Variants in ARPC3 observed in about 807,000 individuals in gnomAD.
ARPC3 encodes actin-related protein 2/3 complex subunit 3.
In ARPC3, 12 loss-of-function variants were observed where a neutral mutation model predicts 27.6. The ratio of observed to expected loss-of-function variants is 0.43; its 90% CI spans 0.28 to 0.70. The LOEUF is 0.70. Among genes scored for constraint, ARPC3 ranks in the 30% least tolerant of loss-of-function variants. ARPC3 has a pLI of 0.17. For synonymous variants in ARPC3, 53 were observed against 67.2 expected (o/e 0.79, Z 1.03); for missense variants, 153 against 207.7 (o/e 0.74, Z 1.62).
At chr12:110,437,387 AG>A (rs1203584613) in intron 3 of ARPC3, 2 of 452,312 alleles carry the variant, frequency 4.4e-6, no homozygotes, top group Admixed American at 7.0e-5. Flanking sequence ...TTTTTTTTTG[AG>A]ACGGAGTCTT....
intron 5 of ARPC3, 28 bp from the exon 6 acceptor site, chr12:110,436,232 G>A (rs866290048): frequency 1.3e-6 from 2 of 1,568,420 alleles, no homozygotes; most frequent in South Asian, 1.1e-5. Flanking sequence ...AAAAAAAACT[G>A]TATTTGCAAA....
At chr12:110,447,587 A>G (rs1042031529) in intron 1 of ARPC3, among the ~76,000 whole-genome samples, 3 of 152,150 alleles carry the variant, frequency 2.0e-5, no homozygotes, top group Non-Finnish European at 4.4e-5. Flanking sequence ...ACCCTGACCA[A>G]CATGGTGAAA....
Position 110,435,067 on chromosome 12 carries a change from A to C in ARPC3, c.*88T>G. The stretch of plus-strand genomic sequence containing the variant: ...CATGCTCTTCTCTCTTCTGTATAAA[A>C]CTTTACGAAATAAAGGCAAAAGATT... On this transcript the variant is annotated 3_prime_UTR_variant, in exon 7 of 7. Coordinates refer to ENST00000228825, the MANE Select transcript of ARPC3 (RefSeq NM_001278556.2). The C allele has an allele frequency of 2.0e-6, 2 of 1,018,568 alleles. No homozygotes were observed. The highest frequency in any genetic ancestry group is 1.6e-6 in the Non-Finnish European group (1 of 644,950). 63.1% of individuals were successfully genotyped at this position (1,018,568 alleles called of 1,614,324 possible).
intron 2 of ARPC3, among the ~76,000 whole-genome samples, chr12:110,441,889 A>G (rs2062439470): frequency 6.6e-6 from 1 of 151,558 alleles, no homozygotes; most frequent in Non-Finnish European, 1.5e-5. Context: ...AAAATTAGCC[A>G]AGCATGGTGG....
intron 3 of ARPC3, among the ~76,000 whole-genome samples, chr12:110,437,645 G>T (rs2062413723): frequency 6.6e-6 from 1 of 152,158 alleles, no homozygotes; most frequent in African/African-American, 2.4e-5. Context: ...TGGGATTACA[G>T]GCATGAGCCA....
rs2062494217 is a variant in ARPC3 at position 110,450,240 on chromosome 12, G to T, written c.6+15C>A. On this transcript the variant is annotated intron_variant, in intron 1 of 6. Transcript: ENST00000228825. ...AATCCCCGCTGTCTCCCCACACCGTGGATCGAACCCTCACCGGCATCTTGG... is the reference window on the plus strand; with the variant it reads ...AATCCCCGCTGTCTCCCCACACCGTTGATCGAACCCTCACCGGCATCTTGG... 3.1e-6 allele frequency: 5 copies of T among 1,613,956 alleles called. No individual in the cohort carries two copies. In the African/African-American group the frequency reaches 6.7e-5, roughly 22 times the overall value.
chr12:110,445,091 G>A (rs1175903987), intron 2 of ARPC3: 6 of 255,504 alleles, frequency 2.3e-5, no homozygotes, highest in African/African-American at 9.1e-5. Context: ...ACGAGGAAGA[G>A]GTTAAAATAT....
Position 110,450,245 on chromosome 12 carries a change from G to A in ARPC3, c.6+10C>T. 6 of 1,614,086 alleles carry A rather than the reference G, an allele frequency of 3.7e-6. No homozygotes were observed. The highest frequency in any genetic ancestry group is 1.1e-5 in the South Asian group (1 of 91,078). On this transcript the variant is annotated intron_variant, in intron 1 of 6. Transcript: ENST00000228825. ...CCGCTGTCTCCCCACACCGTGGATC[G>A]AACCCTCACCGGCATCTTGGCGGCG...
chr12:110,444,593 T>G (rs924688723), intron 2 of ARPC3, among the ~76,000 whole-genome samples: 1 of 152,152 alleles, frequency 6.6e-6, no homozygotes, highest in Non-Finnish European at 1.5e-5. Context: ...CCTTGTGATT[T>G]TCTTTTATGT....
rs1291985227 is a variant in ARPC3, at chr12:110,436,740, AC to A, written c.253-58del. On this transcript the variant is annotated intron_variant, in intron 4 of 6. Coordinates refer to ENST00000228825, the MANE Select transcript of ARPC3 (RefSeq NM_001278556.2). ...CACACACACACACACACACACACAC[AC>A]ACACACACACACATATTTTACAGGG... The A allele has an allele frequency of 4.8e-4, 528 of 1,106,554 alleles. 1 individual carries two copies. The East Asian group carries it at 0.013, about 26-fold the overall frequency. The allele number at this position is 1,106,554 out of a possible 1,614,324, so 68.5% of individuals were successfully genotyped here.
rs1378506173 is a variant in ARPC3, at chr12:110,448,707, T to C, written c.6+1548A>G. On this transcript the variant is annotated intron_variant, in intron 1 of 6. Coordinates refer to ENST00000228825, the MANE Select transcript of ARPC3 (RefSeq NM_001278556.2). ...GGCTTGCTCCTTTTCATCACAGGTA[T>C]GCTTTATCTAAAGCAGCCTCCGCCT... 2.8e-5 allele frequency among the ~76,000 whole-genome samples: 4 copies of C among 145,416 alleles called. No individual in the cohort carries two copies. In the East Asian group the frequency reaches 6.2e-4, roughly 22 times the overall value.
At chr12:110,440,798 G>A (rs1306173309) in intron 2 of ARPC3, among the ~76,000 whole-genome samples, 1 of 149,376 alleles carries the variant, frequency 6.7e-6, no homozygotes, top group Non-Finnish European at 1.5e-5. Flanking sequence ...CGCCCATCTC[G>A]GCCTCCCAAA....
intron 2 of ARPC3, among the ~76,000 whole-genome samples, chr12:110,440,710 C>T (rs1363987213): frequency 1.3e-5 from 2 of 150,602 alleles, no homozygotes; most frequent in Non-Finnish European, 3.0e-5. Flanking sequence ...CCACACCCCG[C>T]TAATTTTTTG....
chr12:110,437,288 AT>A (rs2062411733), intron 3 of ARPC3, 136 bp from the exon 4 acceptor site: 2 of 688,186 alleles, frequency 2.9e-6, no homozygotes, highest in Non-Finnish European at 5.3e-6. Flanking sequence ...CAAAACTCCC[AT>A]TCTCCAAATG....
At chr12:110,445,921 C>A (rs12303451) in intron 1 of ARPC3, among the ~76,000 whole-genome samples, 3,714 of 151,958 alleles carry the variant, frequency 0.024, 126 homozygotes, top group African/African-American at 0.079. Flanking sequence ...CTGGGCAACA[C>A]AGTGAAACCC....
rs2135507915 is a variant in ARPC3 at position 110,450,270 on chromosome 12, G to T, written c.-10C>A. 6.2e-7 allele frequency: 1 copy of T among 1,614,054 alleles called. No individual in the cohort carries two copies. The highest frequency in any genetic ancestry group is 1.3e-5 in the African/African-American group (1 of 75,060). Reference sequence around the variant, plus strand: ...GAACCCTCACCGGCATCTTGGCGGCGCCCGGGTTTCAACCCAGAGGAGCAG... The same window carrying T: ...GAACCCTCACCGGCATCTTGGCGGCTCCCGGGTTTCAACCCAGAGGAGCAG... On this transcript the variant is annotated 5_prime_UTR_variant, in exon 1 of 7. Coordinates refer to ENST00000228825, the MANE Select transcript of ARPC3 (RefSeq NM_001278556.2).
intron 2 of ARPC3, among the ~76,000 whole-genome samples, chr12:110,442,445 T>TA (rs1477871256): frequency 1.3e-5 from 2 of 151,916 alleles, no homozygotes; most frequent in Non-Finnish European, 2.9e-5. Flanking sequence ...CTGTCTCTAC[T>TA]AAAAATACAA....
chr12:110,445,728 T>C (rs2062460930), intron 1 of ARPC3, 177 bp from the exon 2 acceptor site: 2 of 635,876 alleles, frequency 3.1e-6, no homozygotes, highest in Admixed American at 2.6e-5. Flanking sequence ...AGAAAACCAA[T>C]TGTTAAATTT....
At chr12:110,448,794 G>GT (rs1269431210) in intron 1 of ARPC3, among the ~76,000 whole-genome samples, 7 of 58,462 alleles carry the variant, frequency 1.2e-4, no homozygotes, top group African/African-American at 6.2e-4. Context: ...GGGGGGGGGT[G>GT]GTGGTACAGA....
Sources: gnomAD v4.1 joint callset for allele counts (sites outside exome capture counted in the v4.1 genomes callset) on GRCh38, gnomAD v4.1.1 for gene constraint, MANE v1.5 for transcripts, NCBI Gene and HGNC (gene_info 2026-07-23, HGNC 2026-07-21) for gene names.